FAM221B: variants seen among roughly 807,000 people sequenced by gnomAD.
FAM221B encodes the protein family with sequence similarity 221 member B.
A neutral mutation model predicts 39.8 loss-of-function variants in FAM221B; 35 were observed. The observed-to-expected ratio is 0.88, with a 90% CI of 0.67 to 1.17. FAM221B has a LOEUF of 1.17. Among genes scored for constraint, FAM221B ranks in the 50% most tolerant of loss-of-function variants. The pLI is 0.00. For missense variants in FAM221B, 479 were observed against 503.1 expected, an observed-to-expected ratio of 0.95 and a Z score of 0.46; for synonymous variants, 158 against 178.1, an observed-to-expected ratio of 0.89 and a Z score of 0.90.
At chr9:35,823,612 G>A (rs1829201189) in intron 3 of FAM221B, among the ~76,000 whole-genome samples, 1 of 152,088 alleles carries the variant, frequency 6.6e-6, no homozygotes, top group African/African-American at 2.4e-5. Flanking sequence ...AAATACAGTG[G>A]GCTTGAGGAG....
chr9:35,824,378 G>C (rs1242691249), intron 3 of FAM221B, among the ~76,000 whole-genome samples: 1 of 152,182 alleles, frequency 6.6e-6, no homozygotes, highest in African/African-American at 2.4e-5. Flanking sequence ...GCCACTAACA[G>C]GACTGTCAAG....
chr9:35,819,024 C>G lies in FAM221B; in HGVS notation c.1052-15G>C. On this transcript the variant is annotated splice_polypyrimidine_tract_variant and intron_variant, in intron 5 of 6. Transcript: ENST00000423537. ...GCAGCAACAGCCTGGGGCAAAAGTG[C>G]AGCCAAGAAGAGTTTAGGAAATGGT... The G allele has an allele frequency of 1.3e-6, 2 of 1,551,598 alleles. No homozygotes were observed. The highest frequency in any genetic ancestry group is 1.7e-6 in the Non-Finnish European group (2 of 1,146,992).
At chr9:35,827,530 G>A (rs1588101723) in intron 1 of FAM221B, among the ~76,000 whole-genome samples, 1 of 152,314 alleles carries the variant, frequency 6.6e-6, no homozygotes, top group East Asian at 1.9e-4. Flanking sequence ...TCTAGGATAC[G>A]GTGGGGAGGG....
At chr9:35,827,373 A>T (rs538160011) in intron 1 of FAM221B, among the ~76,000 whole-genome samples, 1 of 152,074 alleles carries the variant, frequency 6.6e-6, no homozygotes, top group East Asian at 1.9e-4. Context: ...TCTTTCATGG[A>T]TTTATGTAAC....
chr9:35,825,693 G>T lies in FAM221B; in HGVS notation c.469C>A (p.Leu157Ile). 6.2e-7 allele frequency: 1 copy of T among 1,614,214 alleles called. No individual in the cohort carries two copies. The highest frequency in any genetic ancestry group is 1.1e-5 in the South Asian group (1 of 91,084). The change falls in exon 2 of 7, where the codon CTT becomes ATT. Residue 157 changes from leucine to isoleucine, a missense_variant. Leu to Ile is a conservative substitution (Grantham distance 5). Coordinates refer to ENST00000423537, the MANE Select transcript of FAM221B (RefSeq NM_001012446.4). The surrounding 1 kb of genome is among the most constrained non-coding windows in gnomAD (Gnocchi z 4.2). ...SESESLPEHCLSGPSSQVQVD... is the reference protein window; with the variant it reads ...SESESLPEHCISGPSSQVQVD... Reference sequence around the variant, plus strand: ...TGGACCTGGGATGAAGGGCCTGAAAGACAGTGTTCTGGAAGGCTCTCAGAT... The same window carrying T: ...TGGACCTGGGATGAAGGGCCTGAAATACAGTGTTCTGGAAGGCTCTCAGAT...
intron 6 of FAM221B, 43 bp from the exon 7 acceptor site, chr9:35,818,549 G>A (rs997557460): frequency 1.4e-5 from 21 of 1,541,026 alleles, no homozygotes; most frequent in Non-Finnish European, 1.8e-5. Context: ...AGGTATGGGG[G>A]TCAGAAGGGA....
chr9:35,819,493 C>T (rs1369061406), intron 4 of FAM221B, 99 bp from the exon 5 acceptor site: 2 of 1,038,380 alleles, frequency 1.9e-6, no homozygotes, highest in Admixed American at 2.8e-5. Context: ...TGCACGCAGA[C>T]ATGCTTTTTT....
intron 1 of FAM221B, among the ~76,000 whole-genome samples, chr9:35,826,565 C>G (rs986103167): frequency 6.6e-5 from 10 of 152,156 alleles, no homozygotes; most frequent in African/African-American, 2.4e-4. Context: ...CTGGCAATAC[C>G]AAGCCAAAGT....
At chr9:35,827,783 G>A (rs1829437779) in intron 1 of FAM221B, among the ~76,000 whole-genome samples, 1 of 152,170 alleles carries the variant, frequency 6.6e-6, no homozygotes, top group African/African-American at 2.4e-5. Flanking sequence ...TTCCAGAGAC[G>A]CTAGATATAT....
intron 1 of FAM221B, among the ~76,000 whole-genome samples, chr9:35,827,906 G>T (rs1249695526): frequency 6.6e-6 from 1 of 152,148 alleles, no homozygotes; most frequent in Non-Finnish European, 1.5e-5. Flanking sequence ...GAGAAAAGGG[G>T]CCTAAGAGTG....
chr9:35,822,650 C>G (rs1291022187), intron 3 of FAM221B, among the ~76,000 whole-genome samples: 1 of 152,126 alleles, frequency 6.6e-6, no homozygotes, highest in Non-Finnish European at 1.5e-5. Context: ...CTCAGGTGAT[C>G]CACCCCTTGG....
intron 4 of FAM221B, 60 bp from the exon 5 acceptor site, chr9:35,819,454 A>G: frequency 2.8e-6 from 4 of 1,454,464 alleles, no homozygotes; most frequent in Non-Finnish European, 2.8e-6. Context: ...TCTCATGCCA[A>G]CCCCATCCTC....
intron 1 of FAM221B, chr9:35,826,980 T>G (rs1235273650): frequency 6.6e-6 from 1 of 152,266 alleles, no homozygotes; most frequent in Non-Finnish European, 1.5e-5. Context: ...CTAAGTTTTA[T>G]ATTTTTAGTA....
intron 3 of FAM221B, among the ~76,000 whole-genome samples, chr9:35,824,126 CTT>C (rs1352430417): frequency 1.3e-5 from 2 of 152,122 alleles, no homozygotes; most frequent in African/African-American, 4.8e-5. Context: ...ACCTGCTTGT[CTT>C]TATGTTTTAG....
In FAM221B at chr9:35,825,239, T is replaced by C; in HGVS notation, c.733A>G (p.Ile245Val). Residue 245 changes from isoleucine (I) to valine (V), a missense_variant, in exon 3 of 7, where the codon ATC (isoleucine) becomes GTC (valine). Coordinates refer to ENST00000423537, the MANE Select transcript of FAM221B (RefSeq NM_001012446.4). The surrounding 1 kb of genome is among the most constrained non-coding windows in gnomAD (Gnocchi z 4.2). ...GGCCACATGGGCTCACCTGTCTGGA[T>C]GGCATTCAGGGCTGCATCCTTCTCC... Reference protein sequence around the residue: ...QWEKDAALNAIQTGLYIGWRC... With the variant: ...QWEKDAALNAVQTGLYIGWRC... 1 of 1,614,238 alleles carries C rather than the reference T, an allele frequency of 6.2e-7. No individual in the cohort carries two copies. Among genetic ancestry groups the C allele is most frequent in the Non-Finnish European group, 8.5e-7 (1 of 1,180,046 alleles).
Position 35,819,901 on chromosome 9 carries a change from C to T in FAM221B, c.842G>A (p.Arg281Gln), listed in dbSNP as rs752018152. Residue 281 changes from arginine (R) to glutamine (Q), a missense_variant, in exon 4 of 7, where the codon CGG (arginine) becomes CAG (glutamine). Arg to Gln is a conservative substitution (Grantham distance 43, BLOSUM62 1). Transcript: ENST00000423537. ...CFCGHLLREH[R>Q]IISDISVPCK... ...CAGTTCTCCCCTACCTGAGATGATC[C>T]GGTGCTCTCTCAACAAGTGTCCACA... 3.2e-5 allele frequency: 52 copies of T among 1,604,106 alleles called. No homozygotes were observed. The highest frequency in any genetic ancestry group is 2.0e-4 in the South Asian group (18 of 90,890).
Position 35,817,553 on chromosome 9 carries a change from C to T in FAM221B, c.*916G>A, listed in dbSNP as rs1317954505. 5 of 152,280 alleles carry T rather than the reference C, an allele frequency of 3.3e-5. No homozygotes were observed. The highest frequency in any genetic ancestry group is 7.3e-5 in the Non-Finnish European group (5 of 68,068). 9.4% of individuals were successfully genotyped at this position (152,280 alleles called of 1,614,324 possible). ...CATTAAATATTTGGATTCTCTGCTT[C>T]TCTAACTAGGTTCTCACTTCCAACT... On this transcript the variant is annotated 3_prime_UTR_variant, in exon 7 of 7. Transcript: ENST00000423537.
Position 35,825,701 on chromosome 9 carries a change from T to C in FAM221B, c.461A>G (p.Glu154Gly). The change falls in exon 2 of 7, where the codon GAA becomes GGA. Residue 154 changes from glutamate (E) to glycine (G), a missense_variant. Glu to Gly is a moderately conservative substitution (Grantham distance 98, BLOSUM62 -2). Transcript: ENST00000423537. The surrounding 1 kb of genome is among the most constrained non-coding windows in gnomAD (Gnocchi z 4.2). Reference protein sequence around the residue: ...THLSESESLPEHCLSGPSSQV... With the variant: ...THLSESESLPGHCLSGPSSQV... Reference sequence around the variant, plus strand: ...GGATGAAGGGCCTGAAAGACAGTGTTCTGGAAGGCTCTCAGATTCAGAGAG... The same window carrying C: ...GGATGAAGGGCCTGAAAGACAGTGTCCTGGAAGGCTCTCAGATTCAGAGAG... 1 of 1,614,212 alleles carries C rather than the reference T, an allele frequency of 6.2e-7. No individual in the cohort carries two copies. Among genetic ancestry groups the C allele is most frequent in the Non-Finnish European group, 8.5e-7 (1 of 1,180,036 alleles).
At position 35,819,294 on chromosome 9, in the gene FAM221B, CCGTCTCTTGAG is replaced by C. The variant is rs1371575320; in HGVS notation, c.943_953del (p.Leu315GlyfsTer4). On this transcript the variant is annotated frameshift_variant, in exon 5 of 7. Transcript: ENST00000423537. LOFTEE classifies it high-confidence loss of function. ...TCCAGGCCTTGGGGTCAAAGGTGGC[CCGTCTCTTGAG>C]CCAGAACTCACCCACCTCCTCTGGG... The C allele has an allele frequency of 1.3e-6, 2 of 1,551,592 alleles. No homozygotes were observed. The highest frequency in any genetic ancestry group is 1.7e-6 in the Non-Finnish European group (2 of 1,146,998).
Sources: gnomAD v4.1 joint callset for allele counts (sites outside exome capture counted in the v4.1 genomes callset) on GRCh38, gnomAD v4.1.1 for gene constraint, Gnocchi (gnomAD v3.1) non-coding constraint, MANE v1.5 for transcripts, NCBI Gene and HGNC (gene_info 2026-07-23, HGNC 2026-07-21) for gene names.